Variants in PIK3C2G observed in about 807,000 individuals in gnomAD.
PIK3C2G encodes the protein phosphatidylinositol-4-phosphate 3-kinase catalytic subunit type 2 gamma.
A neutral mutation model predicts 181.1 loss-of-function variants in PIK3C2G; 168 were observed. The ratio of observed to expected loss-of-function variants is 0.93; its 90% confidence interval spans 0.82 to 1.05. PIK3C2G has a LOEUF of 1.05. Among genes scored for constraint, PIK3C2G ranks in the 50% least tolerant of loss-of-function variants. The pLI, the probability that PIK3C2G is intolerant of heterozygous loss-of-function variation, is 0.00. For synonymous variants in PIK3C2G, 573 were observed against 592.2 expected (o/e 0.97, Z 0.47); for missense variants, 1,869 against 1,732.8 (o/e 1.08, Z -1.40).
At chr12:18,462,134 T>C (rs944570141) in intron 18 of PIK3C2G, among the ~76,000 whole-genome samples, 1 of 152,190 alleles carries the variant, frequency 6.6e-6, no homozygotes, top group Non-Finnish European at 1.5e-5. Context: ...GGTCCAAGAA[T>C]TAGAATGCAG....
At chr12:18,453,558 G>C (rs1947475877) in intron 18 of PIK3C2G, among the ~76,000 whole-genome samples, 1 of 152,004 alleles carries the variant, frequency 6.6e-6, no homozygotes, top group South Asian at 2.1e-4. Flanking sequence ...GATCTTGAGG[G>C]GAGGGGTTAG....
At chr12:18,556,022 T>C (rs1413975788) in intron 26 of PIK3C2G, among the ~76,000 whole-genome samples, 1 of 152,146 alleles carries the variant, frequency 6.6e-6, no homozygotes. Context: ...GATATATACT[T>C]CCTCAGGGCA....
chr12:18,369,411 A>T (rs1247211680), intron 12 of PIK3C2G, among the ~76,000 whole-genome samples: 1 of 152,156 alleles, frequency 6.6e-6, no homozygotes, highest in South Asian at 2.1e-4. Context: ...GCATTATCAT[A>T]TAATGATCAT....
chr12:18,535,507 T>A (rs1210038285), intron 24 of PIK3C2G, among the ~76,000 whole-genome samples: 1 of 152,110 alleles, frequency 6.6e-6, no homozygotes, highest in African/African-American at 2.4e-5. Flanking sequence ...AGAAATGTGT[T>A]ATCTCATGAA....
At chr12:18,511,111 A>G (rs1407051525) in intron 24 of PIK3C2G, among the ~76,000 whole-genome samples, 1 of 152,166 alleles carries the variant, frequency 6.6e-6, no homozygotes, top group African/African-American at 2.4e-5. Flanking sequence ...TATTTCACTT[A>G]GCATAATGCT....
chr12:18,473,318 GA>G (rs1938633673), intron 18 of PIK3C2G, among the ~76,000 whole-genome samples: 1 of 152,114 alleles, frequency 6.6e-6, no homozygotes, highest in African/African-American at 2.4e-5. Flanking sequence ...CACATGCTTG[GA>G]AAAACACTGA....
Position 18,399,866 on chromosome 12 carries a change from G to A in PIK3C2G, c.2315+19G>A, listed in dbSNP as rs1282861839. The stretch of plus-strand genomic sequence containing the variant: ...CTTCCAGGTAAGAATTGCATAACAA[G>A]CATGATATTACTGACTGAGAAGAAC... On this transcript the variant is annotated intron_variant, in intron 16 of 32. Transcript: ENST00000538779. 1 of 1,518,506 alleles carries A rather than the reference G, an allele frequency of 6.6e-7. No individual in the cohort carries two copies. The highest frequency in any genetic ancestry group is 9.0e-7 in the Non-Finnish European group (1 of 1,111,758). 94.1% of individuals were successfully genotyped at this position (1,518,506 alleles called of 1,614,324 possible).
At chr12:18,642,241 A>C (rs1465078986) in intron 32 of PIK3C2G, among the ~76,000 whole-genome samples, 2 of 152,212 alleles carry the variant, frequency 1.3e-5, no homozygotes, top group Non-Finnish European at 2.9e-5. Context: ...GTATAGCTTT[A>C]CATTTTACAT....
intron 18 of PIK3C2G, among the ~76,000 whole-genome samples, chr12:18,436,918 T>C (rs886695094): frequency 2.0e-5 from 3 of 151,988 alleles, no homozygotes; most frequent in African/African-American, 7.2e-5. Flanking sequence ...AATGTAAGGC[T>C]GCATCTAGTT....
the PIK3C2G span, among the ~76,000 whole-genome samples, chr12:18,680,079 ATTAC>A: frequency 3.4e-5 from 5 of 147,328 alleles, no homozygotes; most frequent in South Asian, 6.2e-4. Context: ...CCAGTGTGTT[ATTAC>A]TTGGAAAGTA....
At chr12:18,625,001 C>A (rs559379554) in intron 31 of PIK3C2G, among the ~76,000 whole-genome samples, 1 of 151,496 alleles carries the variant, frequency 6.6e-6, no homozygotes, top group South Asian at 2.1e-4. Context: ...TTTTGTTGAT[C>A]TTTGTTTTGT....
intron 5 of PIK3C2G, among the ~76,000 whole-genome samples, chr12:18,303,597 G>T (rs1950301488): frequency 6.6e-6 from 1 of 152,030 alleles, no homozygotes; most frequent in South Asian, 2.1e-4. Flanking sequence ...CAAAGTGCTG[G>T]GATTACAGGC....
the PIK3C2G span, chr12:18,719,452 C>T: frequency 6.5e-7 from 1 of 1,535,444 alleles, no homozygotes; most frequent in Non-Finnish European, 8.8e-7. Context: ...CCAAAGGTCA[C>T]TTGGTCCCAA....
At chr12:18,328,621 C>T (rs193101910) in intron 8 of PIK3C2G, among the ~76,000 whole-genome samples, 26 of 151,926 alleles carry the variant, frequency 1.7e-4, no homozygotes, top group Admixed American at 1.6e-3. Flanking sequence ...GTTTTGTATT[C>T]GACCTTCCTC....
At chr12:18,489,545 C>G (rs1940365001) in intron 19 of PIK3C2G, among the ~76,000 whole-genome samples, 1 of 151,960 alleles carries the variant, frequency 6.6e-6, no homozygotes. Context: ...ACTTCACCTT[C>G]CTGGGAGAAA....
intron 24 of PIK3C2G, among the ~76,000 whole-genome samples, chr12:18,523,422 C>T (rs1411578803): frequency 6.6e-6 from 1 of 152,166 alleles, no homozygotes; most frequent in Non-Finnish European, 1.5e-5. Context: ...ACCTAGAATT[C>T]TGGTTGGGCC....
chr12:18,502,828 GC>G (rs1212027316), intron 22 of PIK3C2G, among the ~76,000 whole-genome samples: 1 of 152,198 alleles, frequency 6.6e-6, no homozygotes, highest in Non-Finnish European at 1.5e-5. Flanking sequence ...TAACTGTGAA[GC>G]TTTTTTTAAC....
chr12:18,632,823 C>T (rs560492574), intron 31 of PIK3C2G, among the ~76,000 whole-genome samples: 14 of 152,302 alleles, frequency 9.2e-5, no homozygotes, highest in South Asian at 8.3e-4. Flanking sequence ...CTGGGGATGA[C>T]AATCTACTTT....
At chr12:18,594,364 T>G in intron 29 of PIK3C2G, 130 bp from the exon 30 acceptor site, 1 of 559,550 alleles carries the variant, frequency 1.8e-6, no homozygotes, top group Non-Finnish European at 3.1e-6. Context: ...CTAATATACT[T>G]TCTCTCTATT....
Sources: gnomAD v4.1 joint callset for allele counts (sites outside exome capture counted in the v4.1 genomes callset) on GRCh38, gnomAD v4.1.1 for gene constraint, MANE v1.5 for transcripts, NCBI Gene and HGNC (gene_info 2026-07-23, HGNC 2026-07-21) for gene names.